The following WDR7 variants were observed in gnomAD, a reference collection of about 807,000 sequenced individuals.
WDR7 encodes WD repeat-containing protein 7.
WDR7 carries 46 observed loss-of-function variants against 169.4 expected under a neutral mutation model. The ratio of observed to expected loss-of-function variants is 0.27; its 90% confidence interval spans 0.21 to 0.35. The LOEUF is 0.35. Ranked by LOEUF, WDR7 falls within the 10% of genes least tolerant of loss-of-function variation. The pLI is 1.00. For synonymous variants in WDR7, 612 were observed against 666.8 expected (o/e 0.92, Z 1.27); for missense variants, 1,534 against 1,859.3 (o/e 0.83, Z 3.22).
chr18:56,975,110 C>G (rs2047547089), intron 26 of WDR7, among the ~76,000 whole-genome samples: 1 of 151,908 alleles, frequency 6.6e-6, no homozygotes, highest in South Asian at 2.1e-4. Context: ...TGGTGGCGGG[C>G]GTCTAATCCC....
At chr18:56,910,553 T>G (rs2046538718) in intron 21 of WDR7, among the ~76,000 whole-genome samples, 1 of 152,072 alleles carries the variant, frequency 6.6e-6, no homozygotes, top group Admixed American at 6.6e-5. Context: ...AAGCATTTAA[T>G]TTTTTTTCAA....
Position 57,027,469 on chromosome 18 carries a change from AG to A in WDR7, c.*266del. On this transcript the variant is annotated 3_prime_UTR_variant, in exon 28 of 28. Coordinates refer to ENST00000254442, the MANE Select transcript of WDR7 (RefSeq NM_015285.3). ...GTAGTTTTTCCCTGCCAGAGATGGC[AG>A]GGGAAAGCCAGTGGTTCCTGGGAAC... 1 of 519,782 alleles carries A rather than the reference AG, an allele frequency of 1.9e-6. No individual in the cohort carries two copies. The highest frequency in any genetic ancestry group is 3.4e-6 in the Non-Finnish European group (1 of 293,170). The allele number at this position is 519,782 out of a possible 1,614,324, so 32.2% of individuals were successfully genotyped here.
At chr18:56,841,427 G>C (rs1465482385) in intron 20 of WDR7, among the ~76,000 whole-genome samples, 1 of 151,004 alleles carries the variant, frequency 6.6e-6, no homozygotes, top group African/African-American at 2.4e-5. Context: ...GCCTATAATC[G>C]CAGCTACTTG....
chr18:56,843,964 G>A (rs924613041), intron 20 of WDR7, among the ~76,000 whole-genome samples: 1 of 151,046 alleles, frequency 6.6e-6, no homozygotes, highest in Non-Finnish European at 1.5e-5. Flanking sequence ...CCAGGTTCAA[G>A]CAATTGTCCT....
intron 16 of WDR7, among the ~76,000 whole-genome samples, chr18:56,761,777 T>C (rs2043984605): frequency 6.6e-6 from 1 of 152,012 alleles, no homozygotes; most frequent in South Asian, 2.1e-4. Flanking sequence ...CTGGTAATGT[T>C]TAGCTATTTT....
At chr18:56,809,524 T>C (rs989937700) in intron 19 of WDR7, among the ~76,000 whole-genome samples, 3 of 152,148 alleles carry the variant, frequency 2.0e-5, no homozygotes, top group Non-Finnish European at 2.9e-5. Flanking sequence ...ATATAATTAA[T>C]TGACAATATT....
chr18:56,737,988 GT>G (rs2026737332), intron 14 of WDR7, among the ~76,000 whole-genome samples: 2 of 152,072 alleles, frequency 1.3e-5, no homozygotes, highest in African/African-American at 4.8e-5. Flanking sequence ...AAGTATGTAA[GT>G]TTTGTTTGTC....
intron 26 of WDR7, among the ~76,000 whole-genome samples, chr18:57,017,217 A>T (rs532267657): frequency 3.3e-5 from 5 of 152,312 alleles, no homozygotes; most frequent in Admixed American, 2.0e-4. Context: ...GGGTTGAAGC[A>T]CCTCTCGGGC....
At chr18:56,993,671 T>G (rs1163204707) in intron 26 of WDR7, among the ~76,000 whole-genome samples, 1 of 149,810 alleles carries the variant, frequency 6.7e-6, no homozygotes, top group African/African-American at 2.4e-5. Context: ...TTGTTCAGGC[T>G]GTCAAAAGGA....
chr18:56,757,902 G>C (rs891743052), intron 15 of WDR7, among the ~76,000 whole-genome samples: 1 of 151,854 alleles, frequency 6.6e-6, no homozygotes, highest in Admixed American at 6.6e-5. Context: ...CTGGAAGTTC[G>C]TGGCTGCAGT....
intron 25 of WDR7, among the ~76,000 whole-genome samples, chr18:56,959,327 G>A (rs1486630124): frequency 6.6e-6 from 1 of 152,148 alleles, no homozygotes; most frequent in Non-Finnish European, 1.5e-5. Flanking sequence ...CTGACTGCAT[G>A]CGGACAATGA....
chr18:56,686,107 C>T, intron 6 of WDR7, 75 bp downstream of exon 6: 1 of 1,226,980 alleles, frequency 8.2e-7, no homozygotes, highest in Non-Finnish European at 1.1e-6. Flanking sequence ...TGATATGCCC[C>T]TTCCATTTTT....
At chr18:57,015,027 AT>A (rs1255291302) in intron 26 of WDR7, among the ~76,000 whole-genome samples, 1 of 152,244 alleles carries the variant, frequency 6.6e-6, no homozygotes, top group African/African-American at 2.4e-5. Flanking sequence ...TAGATTTGAT[AT>A]AAGGAAAAAT....
rs181594159 is a variant in WDR7, at chr18:57,025,214, T to C, written c.4270-1790T>C. 1.1e-4 allele frequency among the ~76,000 whole-genome samples: 16 copies of C among 152,320 alleles called. No homozygotes were observed. In the East Asian group the frequency reaches 2.9e-3, roughly 28 times the overall value. On this transcript the variant is annotated intron_variant, in intron 27 of 27. Coordinates refer to ENST00000254442, the MANE Select transcript of WDR7 (RefSeq NM_015285.3). ...ACCAGCAGAAGTCAAGCTTCATACA[T>C]ATATTCATAGAAAATCCATAAAGAA...
rs2145961044 is a variant in WDR7 at position 57,028,275 on chromosome 18, A to G, written c.*1068A>G. 6.6e-6 allele frequency: 1 copy of G among 152,368 alleles called. No homozygotes were observed. Among genetic ancestry groups the G allele is most frequent in the Non-Finnish European group, 1.5e-5 (1 of 68,024 alleles). The allele number at this position is 152,368 out of a possible 1,614,324, so 9.4% of individuals were successfully genotyped here. On this transcript the variant is annotated 3_prime_UTR_variant, in exon 28 of 28. Transcript: ENST00000254442. The stretch of plus-strand genomic sequence containing the variant: ...AGTAATAACTATGGCACAAATGTTC[A>G]GGAGTGTATATAAAAATATGTGGGC...
chr18:56,764,757 A>G (rs2044035034), intron 16 of WDR7, among the ~76,000 whole-genome samples: 1 of 152,118 alleles, frequency 6.6e-6, no homozygotes, highest in Non-Finnish European at 1.5e-5. Flanking sequence ...TATAACTGTC[A>G]GTCAGGTCAA....
rs151106142 is a variant in WDR7, at chr18:56,737,092, C to A, written c.1989+5495C>A. Among the ~76,000 whole-genome samples, 690 of 152,200 alleles carry A rather than the reference C, an allele frequency of 4.5e-3. 2 individuals carry two copies. The highest frequency in any genetic ancestry group is 7.0e-3 in the Non-Finnish European group (476 of 67,984). On this transcript the variant is annotated intron_variant, in intron 14 of 27. Coordinates refer to ENST00000254442, the MANE Select transcript of WDR7 (RefSeq NM_015285.3). ...TGCTTATAATTCTTTGGAGGTAGAGCCATCTTTTTTTCTCTTTTTTCTTTT... is the reference window on the plus strand; with the variant it reads ...TGCTTATAATTCTTTGGAGGTAGAGACATCTTTTTTTCTCTTTTTTCTTTT...
intron 26 of WDR7, among the ~76,000 whole-genome samples, chr18:57,013,719 G>A (rs2048169482): frequency 6.6e-6 from 1 of 152,186 alleles, no homozygotes; most frequent in Admixed American, 6.5e-5. Flanking sequence ...AGCAGGGGTT[G>A]ATCATCTGGG....
At chr18:56,761,130 C>T (rs1449479570) in intron 16 of WDR7, among the ~76,000 whole-genome samples, 3 of 151,500 alleles carry the variant, frequency 2.0e-5, no homozygotes, top group African/African-American at 7.3e-5. Context: ...CCACCTCTGC[C>T]TCCCGAGCAA....
Sources: allele counts gnomAD v4.1 joint callset (sites outside exome capture counted in the v4.1 genomes callset), GRCh38; gene constraint gnomAD v4.1.1; transcripts MANE v1.5; gene names NCBI Gene and HGNC (gene_info 2026-07-23, HGNC 2026-07-21).